The following AQP6 variants were observed in gnomAD, a reference collection of about 807,000 sequenced individuals.
AQP6 encodes aquaporin-6.
A neutral mutation model predicts 16.3 loss-of-function variants in AQP6; 14 were observed. The observed-to-expected ratio is 0.86, with a 90% CI of 0.57 to 1.34. The LOEUF is 1.34. Among genes scored for constraint, AQP6 ranks in the 40% most tolerant of loss-of-function variants. The pLI is 0.00. For missense variants in AQP6, 331 were observed against 379.7 expected (o/e 0.87, Z 1.07); for synonymous variants, 178 against 166.8 (o/e 1.07, Z -0.52).
In AQP6 at chr12:49,973,102, C is replaced by A. The variant is rs1488535976; in HGVS notation, c.-72C>A. Reference sequence around the variant, plus strand: ...GCCAGAGACAGGACACCAGAAGAGACAGGAGATCAGAGACCAGAGGAACAG... The same window carrying A: ...GCCAGAGACAGGACACCAGAAGAGAAAGGAGATCAGAGACCAGAGGAACAG... On this transcript the variant is annotated 5_prime_UTR_variant, in exon 1 of 4. Coordinates refer to ENST00000315520, the MANE Select transcript of AQP6 (RefSeq NM_001652.4). 34 of 1,499,662 alleles carry A rather than the reference C, an allele frequency of 2.3e-5. No individual in the cohort carries two copies. Among genetic ancestry groups the A allele is most frequent in the African/African-American group, 4.2e-5 (3 of 71,628 alleles). 92.9% of individuals were successfully genotyped at this position (1,499,662 alleles called of 1,614,324 possible). A position where few individuals can be genotyped will look rare whatever the true frequency, so the allele number is the denominator to read the frequency against.
At chr12:49,974,850 T>C in intron 3 of AQP6, 24 bp downstream of exon 3, 2 of 1,612,958 alleles carry the variant, frequency 1.2e-6, no homozygotes, top group African/African-American at 1.3e-5. Flanking sequence ...CTGGCAGCCC[T>C]GGGGAGGGAA....
chr12:49,973,032 G>A lies in AQP6; in HGVS notation c.-142G>A, dbSNP rs530086742. Reference sequence around the variant, plus strand: ...ACAGGAGCGTGGTGGAGGAGCTGCAGGTGGGGGCCAGAGAAGCCTCCACAG... The same window carrying A: ...ACAGGAGCGTGGTGGAGGAGCTGCAAGTGGGGGCCAGAGAAGCCTCCACAG... On this transcript the variant is annotated 5_prime_UTR_variant, in exon 1 of 4. Coordinates refer to ENST00000315520, the MANE Select transcript of AQP6 (RefSeq NM_001652.4). 1.6e-5 allele frequency: 19 copies of A among 1,176,554 alleles called. No homozygotes were observed. In the South Asian group the frequency reaches 2.9e-4, roughly 18 times the overall value. 72.9% of individuals were successfully genotyped at this position (1,176,554 alleles called of 1,614,324 possible).
In AQP6 at chr12:49,973,653, G is replaced by A. The variant is rs1947547860; in HGVS notation, c.402+78G>A. 4.1e-6 allele frequency: 6 copies of A among 1,469,540 alleles called. No individual in the cohort carries two copies. The African/African-American group carries it at 7.0e-5, about 17-fold the overall frequency. 91.0% of individuals were successfully genotyped at this position (1,469,540 alleles called of 1,614,324 possible). On this transcript the variant is annotated intron_variant, in intron 1 of 3. Coordinates refer to ENST00000315520, the MANE Select transcript of AQP6 (RefSeq NM_001652.4). Reference sequence around the variant, plus strand: ...TGGTGAAGGTGGAGGCCAGGACGGAGGCGAGGGAGCAAAGGAGGAAACAAG... The same window carrying A: ...TGGTGAAGGTGGAGGCCAGGACGGAAGCGAGGGAGCAAAGGAGGAAACAAG...
rs1017786470 is a variant in AQP6, at chr12:49,975,317, C to T, written c.643-148C>T. On this transcript the variant is annotated intron_variant, in intron 3 of 3. Coordinates refer to ENST00000315520, the MANE Select transcript of AQP6 (RefSeq NM_001652.4). This position sits in a 1 kb window ranked among gnomAD's most constrained non-coding sequence, Gnocchi z 4.4. The stretch of plus-strand genomic sequence containing the variant: ...CCTTACCTTGTGGGCTTGGGAAACA[C>T]GACTCGTGGTTCTCAAATTTAGCAC... 1.7e-5 allele frequency: 24 copies of T among 1,435,256 alleles called. No individual in the cohort carries two copies. The highest frequency in any genetic ancestry group is 2.4e-4 in the Middle Eastern group (1 of 4,158). 88.9% of individuals were successfully genotyped at this position (1,435,256 alleles called of 1,614,324 possible).
chr12:49,974,298 G>T, intron 1 of AQP6, 26 bp from the exon 2 acceptor site: 1 of 1,511,330 alleles, frequency 6.6e-7, no homozygotes, highest in South Asian at 1.3e-5. Context: ...GCCCGCGTCT[G>T]GTCCAGAGTA....
rs574587110 is a variant in AQP6, at chr12:49,977,116, C to T, written c.*1445C>T. 9.0e-5 allele frequency: 62 copies of T among 689,186 alleles called. 1 individual carries two copies. The highest frequency in any genetic ancestry group is 2.5e-4 in the South Asian group (16 of 65,266). The allele number at this position is 689,186 out of a possible 1,614,324, so 42.7% of individuals were successfully genotyped here. ...AGAAGTTAAAATGCTAGAAAAACAA[C>T]CCCAATAAATGATGATTATTGTTGC... On this transcript the variant is annotated 3_prime_UTR_variant, in exon 4 of 4. Coordinates refer to ENST00000315520, the MANE Select transcript of AQP6 (RefSeq NM_001652.4).
Position 49,973,006 on chromosome 12 carries a change from G to C in AQP6, c.-168G>C. The C allele has an allele frequency of 2.1e-6, 2 of 935,936 alleles. No individual in the cohort carries two copies. Among genetic ancestry groups the C allele is most frequent in the Non-Finnish European group, 3.1e-6 (2 of 643,334 alleles). The allele number at this position is 935,936 out of a possible 1,614,324, so 58.0% of individuals were successfully genotyped here. A position where few individuals can be genotyped will look rare whatever the true frequency, so the allele number is the denominator to read the frequency against. On this transcript the variant is annotated 5_prime_UTR_variant, in exon 1 of 4. Transcript: ENST00000315520. ...CCAGTCTGACCAGCACAGTCCTGGGGACAGGAGCGTGGTGGAGGAGCTGCA... is the reference window on the plus strand; with the variant it reads ...CCAGTCTGACCAGCACAGTCCTGGGCACAGGAGCGTGGTGGAGGAGCTGCA...
Position 49,975,689 on chromosome 12 carries a change from C to A in AQP6, c.*18C>A. On this transcript the variant is annotated 3_prime_UTR_variant, in exon 4 of 4. Coordinates refer to ENST00000315520, the MANE Select transcript of AQP6 (RefSeq NM_001652.4). This position sits in a 1 kb window ranked among gnomAD's most constrained non-coding sequence, Gnocchi z 4.4. ...GTGTGTGAAACAGCCTACGCCTGGC[C>A]GCGCCCTTGGGCTTCCTGCCTTGCA... 6.6e-7 allele frequency: 1 copy of A among 1,507,582 alleles called. No homozygotes were observed. Among genetic ancestry groups the A allele is most frequent in the Non-Finnish European group, 8.8e-7 (1 of 1,133,014 alleles). The allele number at this position is 1,507,582 out of a possible 1,614,324, so 93.4% of individuals were successfully genotyped here. A position where few individuals can be genotyped will look rare whatever the true frequency, so the allele number is the denominator to read the frequency against.
In AQP6 at chr12:49,973,310, T is replaced by A. The variant is rs377408973; in HGVS notation, c.137T>A (p.Met46Lys). The change falls in exon 1 of 4, where the codon ATG (methionine) becomes AAG (lysine). Residue 46 changes from methionine (M) to lysine (K), a missense_variant. By Grantham distance (95) the Met-to-Lys change is moderately conservative (BLOSUM62 -1). Transcript: ENST00000315520. ...LYVFFGVGSVMRWPTALPSVL... is the reference protein window; with the variant it reads ...LYVFFGVGSVKRWPTALPSVL... The stretch of plus-strand genomic sequence containing the variant: ...GTGTTCTTTGGCGTGGGCTCAGTCA[T>A]GCGCTGGCCCACAGCACTTCCCTCC... The A allele has an allele frequency of 1.2e-6, 2 of 1,613,770 alleles. No homozygotes were observed. Among genetic ancestry groups the A allele is most frequent in the Non-Finnish European group, 1.7e-6 (2 of 1,180,042 alleles).
rs1947576036 is a variant in AQP6, at chr12:49,976,611, G to A, written c.*940G>A. On this transcript the variant is annotated 3_prime_UTR_variant, in exon 4 of 4. Coordinates refer to ENST00000315520, the MANE Select transcript of AQP6 (RefSeq NM_001652.4). Reference sequence around the variant, plus strand: ...CCCACCCTTGAGAAGAACTGACACAGAGAAGAACATTTTCTCAGGCTCGTA... The same window carrying A: ...CCCACCCTTGAGAAGAACTGACACAAAGAAGAACATTTTCTCAGGCTCGTA... 1 of 224,278 alleles carries A rather than the reference G, an allele frequency of 4.5e-6. No individual in the cohort carries two copies. The highest frequency in any genetic ancestry group is 2.3e-5 in the African/African-American group (1 of 43,766). The allele number at this position is 224,278 out of a possible 1,614,324, so 13.9% of individuals were successfully genotyped here. A position where few individuals can be genotyped will look rare whatever the true frequency, so the allele number is the denominator to read the frequency against.
chr12:49,976,956 G>A lies in AQP6; in HGVS notation c.*1285G>A, dbSNP rs143588658. 23 of 701,490 alleles carry A rather than the reference G, an allele frequency of 3.3e-5. No individual in the cohort carries two copies. Among genetic ancestry groups the A allele is most frequent in the African/African-American group, 3.0e-4 (17 of 57,322 alleles). The allele number at this position is 701,490 out of a possible 1,614,324, so 43.5% of individuals were successfully genotyped here. On this transcript the variant is annotated 3_prime_UTR_variant, in exon 4 of 4. Transcript: ENST00000315520. ...TACCAAAATCTAAGTTGGTTTAATA[G>A]TTAAAAGCTGCTGTAGATTTATTCT... is the stretch of plus-strand genomic sequence containing the variant.
rs747793891 is a variant in AQP6, at chr12:49,974,817, A to T, written c.633A>T (p.Thr211=). 6.2e-7 allele frequency: 1 copy of T among 1,614,212 alleles called. No individual in the cohort carries two copies. Among genetic ancestry groups the T allele is most frequent in the East Asian group, 2.2e-5 (1 of 44,890 alleles). Residue 211 remains threonine (T), a synonymous_variant, in exon 3 of 4, where the codon ACA becomes ACT. Coordinates refer to ENST00000315520, the MANE Select transcript of AQP6 (RefSeq NM_001652.4). ...FGPAIIIGKF[T]VHWVFWVGPL... is the part of the protein sequence containing the mutation. ...CTGCCATCATCATTGGGAAGTTCACAGTCCACTGGGTGAGCCCCTCTGCTG... is the reference window on the plus strand; with the variant it reads ...CTGCCATCATCATTGGGAAGTTCACTGTCCACTGGGTGAGCCCCTCTGCTG...
chr12:49,973,625 A>G, intron 1 of AQP6, 50 bp downstream of exon 1: 1 of 1,522,840 alleles, frequency 6.6e-7, no homozygotes, highest in Non-Finnish European at 8.8e-7. Flanking sequence ...GAATGCGCAC[A>G]AGTGGTGAAG....
chr12:49,973,081 G>A lies in AQP6; in HGVS notation c.-93G>A, dbSNP rs926637396. On this transcript the variant is annotated 5_prime_UTR_variant, in exon 1 of 4. Coordinates refer to ENST00000315520, the MANE Select transcript of AQP6 (RefSeq NM_001652.4). ...AGAGAGCAAAAGCCAGGGTCAGCCA[G>A]AGACAGGACACCAGAAGAGACAGGA... 8.2e-6 allele frequency: 12 copies of A among 1,462,422 alleles called. No homozygotes were observed. The African/African-American group carries it at 1.7e-4, about 21-fold the overall frequency. The allele number at this position is 1,462,422 out of a possible 1,614,324, so 90.6% of individuals were successfully genotyped here.
Position 49,975,099 on chromosome 12 carries a change from G to A in AQP6, c.642+273G>A. On this transcript the variant is annotated intron_variant, in intron 3 of 3. Transcript: ENST00000315520. The surrounding 1 kb of genome is among the most constrained non-coding windows in gnomAD (Gnocchi z 4.4). The stretch of plus-strand genomic sequence containing the variant: ...GGACCAATTTTCAAACTTGGATAAA[G>A]AAAAAGACAAACAGAAATAGACACA... The A allele has an allele frequency of 1.5e-6, 2 of 1,312,292 alleles. No individual in the cohort carries two copies. The highest frequency in any genetic ancestry group is 1.9e-6 in the Non-Finnish European group (2 of 1,031,864). The allele number at this position is 1,312,292 out of a possible 1,614,324, so 81.3% of individuals were successfully genotyped here.
chr12:49,973,400 C>T lies in AQP6; in HGVS notation c.227C>T (p.Ala76Val), dbSNP rs150314044. 3 of 1,612,782 alleles carry T rather than the reference C, an allele frequency of 1.9e-6. No individual in the cohort carries two copies. Among genetic ancestry groups the T allele is most frequent in the Non-Finnish European group, 2.5e-6 (3 of 1,180,028 alleles). ...TAMAVQVTWKASGAHANPAVT... is the reference protein window; with the variant it reads ...TAMAVQVTWKVSGAHANPAVT... ...ATGGCTGTGCAGGTCACCTGGAAGG[C>T]CAGCGGGGCCCACGCCAACCCCGCC... is the stretch of plus-strand genomic sequence containing the variant. The change falls in exon 1 of 4, where the codon GCC becomes GTC. Residue 76 changes from alanine (A) to valine (V), a missense_variant. Transcript: ENST00000315520.
chr12:49,975,121 C>A lies in AQP6; in HGVS notation c.642+295C>A. On this transcript the variant is annotated intron_variant, in intron 3 of 3. Coordinates refer to ENST00000315520, the MANE Select transcript of AQP6 (RefSeq NM_001652.4). The surrounding 1 kb of genome is among the most constrained non-coding windows in gnomAD (Gnocchi z 4.4). The stretch of plus-strand genomic sequence containing the variant: ...AAAGAAAAAGACAAACAGAAATAGA[C>A]ACACACACCAGCAGAGACAGAAACA... 7.6e-7 allele frequency: 1 copy of A among 1,323,064 alleles called. No homozygotes were observed. 82.0% of individuals were successfully genotyped at this position (1,323,064 alleles called of 1,614,324 possible).
intron 1 of AQP6, 137 bp downstream of exon 1, chr12:49,973,712 C>T (rs1359922329): frequency 6.2e-6 from 8 of 1,296,642 alleles, no homozygotes; most frequent in South Asian, 1.5e-5. Context: ...CCGGGCTGGG[C>T]CCCAGGACCC....
In AQP6 at chr12:49,974,196, T is replaced by C. The variant is rs140057186; in HGVS notation, c.403-128T>C. On this transcript the variant is annotated intron_variant, in intron 1 of 3. Coordinates refer to ENST00000315520, the MANE Select transcript of AQP6 (RefSeq NM_001652.4). ...ACCCCTCTGCACAGGCCTCCCGAAG[T>C]CCTGAAGCTGGGCGGCAGTGAGGTG... The C allele has an allele frequency of 1.2e-4, 165 of 1,409,640 alleles. No homozygotes were observed. In the East Asian group the frequency reaches 3.5e-3, roughly 30 times the overall value. The allele number at this position is 1,409,640 out of a possible 1,614,324, so 87.3% of individuals were successfully genotyped here. A position where few individuals can be genotyped will look rare whatever the true frequency, so the allele number is the denominator to read the frequency against.
Sources: allele counts gnomAD v4.1 joint callset, GRCh38; gene constraint gnomAD v4.1.1; non-coding constraint Gnocchi (gnomAD v3.1); transcripts MANE v1.5; gene names NCBI Gene and HGNC (gene_info 2026-07-23, HGNC 2026-07-21).